The following WDR26 variants were observed in gnomAD, a reference collection of about 807,000 sequenced individuals.
WDR26 encodes the protein WD repeat domain 26, also known as WD repeat-containing protein 26.
Under a neutral mutation model 84.1 loss-of-function variants are expected in WDR26, and 5 were observed. That is an observed-to-expected ratio of 0.06 (90% CI 0.03 to 0.13). The LOEUF is 0.13. Ranked by LOEUF, WDR26 falls within the 10% of genes least tolerant of loss-of-function variation. The probability of loss-of-function intolerance (pLI) is 1.00; values close to 1 mark genes in which losing one functional copy is unlikely to be tolerated. For synonymous variants in WDR26, 415 were observed against 389.6 expected, an observed-to-expected ratio of 1.07 and a Z score of -0.77; for missense variants, 642 against 974.9, an observed-to-expected ratio of 0.66 and a Z score of 4.55.
chr1:224,434,154 A>AGCG lies in WDR26; in HGVS notation c.249_251dup (p.Ala85dup). 7.0e-7 allele frequency: 1 copy of AGCG among 1,418,914 alleles called. No homozygotes were observed. The highest frequency in any genetic ancestry group is 1.5e-5 in the African/African-American group (1 of 68,706). The allele number at this position is 1,418,914 out of a possible 1,614,324, so 87.9% of individuals were successfully genotyped here. The stretch of plus-strand genomic sequence containing the variant: ...GGCCGCTACTTCGGTGGGGGACAGC[A>AGCG]GCGGCGGCGGGAGGGGCAGCAGCCG... On this transcript the variant is annotated inframe_insertion, in exon 1 of 14. Transcript: ENST00000414423.
intron 1 of WDR26, 124 bp from the exon 2 acceptor site, chr1:224,431,905 T>A: frequency 2.9e-6 from 2 of 699,874 alleles, no homozygotes; most frequent in Non-Finnish European, 2.1e-6. Flanking sequence ...AAGAAAAAAA[T>A]AGCTTTCATG....
At chr1:224,416,830 A>G (rs1673918083) in intron 6 of WDR26, among the ~76,000 whole-genome samples, 1 of 152,246 alleles carries the variant, frequency 6.6e-6, no homozygotes, top group Non-Finnish European at 1.5e-5. Flanking sequence ...GAATGGAGCT[A>G]TGAACCATGA....
At chr1:224,405,316 T>C (rs1673522074) in intron 7 of WDR26, among the ~76,000 whole-genome samples, 1 of 152,262 alleles carries the variant, frequency 6.6e-6, no homozygotes, top group South Asian at 2.1e-4. Context: ...TGTTTATCCA[T>C]TCATGAGGTG....
At chr1:224,401,112 CT>C (rs781291672) in intron 8 of WDR26, 43 bp from the exon 9 acceptor site, 19 of 1,569,012 alleles carry the variant, frequency 1.2e-5, no homozygotes, top group Middle Eastern at 1.7e-4. Flanking sequence ...CAAGATACCC[CT>C]CTAAAGGAAT....
Position 224,434,577 on chromosome 1 carries a change from C to A in WDR26, c.-172G>T, listed in dbSNP as rs1490482782. ...AAGGAGGATCCGGGCCCTTTCCCCC[C>A]CCCCTCCCGGAGGCAGCTCGGGGTG... On this transcript the variant is annotated 5_prime_UTR_variant, in exon 1 of 14. Transcript: ENST00000414423. 4.4e-5 allele frequency: 21 copies of A among 474,312 alleles called. 1 individual carries two copies. Among genetic ancestry groups the A allele is most frequent in the Non-Finnish European group, 5.5e-5 (20 of 366,320 alleles). The allele number at this position is 474,312 out of a possible 1,614,324, so 29.4% of individuals were successfully genotyped here.
Position 224,394,444 on chromosome 1 carries a change from G to A in WDR26, c.2075-431C>T, listed in dbSNP as rs117617443. On this transcript the variant is annotated intron_variant, in intron 12 of 13. Transcript: ENST00000414423. The stretch of plus-strand genomic sequence containing the variant: ...GTGCTTACAAAGTACTAGGTATCAA[G>A]TACTTAATGCATATTATTTAATCTT... 9.2e-5 allele frequency among the ~76,000 whole-genome samples: 14 copies of A among 151,864 alleles called. No homozygotes were observed. In the East Asian group the frequency reaches 2.7e-3, roughly 29 times the overall value.
intron 3 of WDR26, among the ~76,000 whole-genome samples, chr1:224,428,968 G>A (rs780975939): frequency 6.6e-6 from 1 of 150,926 alleles, no homozygotes; most frequent in African/African-American, 2.4e-5. Context: ...CCATTTAATC[G>A]GAAACCATTT....
chr1:224,434,053 C>A lies in WDR26; in HGVS notation c.353G>T (p.Gly118Val). 1 of 1,451,778 alleles carries A rather than the reference C, an allele frequency of 6.9e-7. No homozygotes were observed. 89.9% of individuals were successfully genotyped at this position (1,451,778 alleles called of 1,614,324 possible). A position where few individuals can be genotyped will look rare whatever the true frequency, so the allele number is the denominator to read the frequency against. The change falls in exon 1 of 14, where the codon GGA becomes GTA. Residue 118 changes from glycine to valine, a missense_variant. Gly to Val is a moderately radical substitution (Grantham distance 109). Transcript: ENST00000414423. ...CTGGCCCCCGCCGCCCCCTCCTCCT[C>A]CACCGCCGCCGCCGCCACCTCCTCC...
At chr1:224,431,260 G>A in intron 3 of WDR26, 1 of 436,604 alleles carries the variant, frequency 2.3e-6, no homozygotes, top group Non-Finnish European at 4.1e-6. Context: ...ATTTTTTGTA[G>A]AGCTTAATTT....
At chr1:224,405,143 T>C (rs1673517943) in intron 7 of WDR26, among the ~76,000 whole-genome samples, 1 of 152,210 alleles carries the variant, frequency 6.6e-6, no homozygotes, top group South Asian at 2.1e-4. Flanking sequence ...CTCTATAGAT[T>C]TGCCTATTCT....
chr1:224,425,292 C>T (rs1441111917), intron 3 of WDR26, among the ~76,000 whole-genome samples: 1 of 152,198 alleles, frequency 6.6e-6, no homozygotes, highest in African/African-American at 2.4e-5. Flanking sequence ...TTGATGCACT[C>T]ACTCTCTTCT....
intron 7 of WDR26, among the ~76,000 whole-genome samples, chr1:224,405,240 G>A (rs986456582): frequency 1.3e-5 from 2 of 152,116 alleles, no homozygotes; most frequent in African/African-American, 2.4e-5. Context: ...GTTCATCCGT[G>A]TTATAGAATG....
At chr1:224,428,560 A>T (rs942518652) in intron 3 of WDR26, among the ~76,000 whole-genome samples, 1 of 152,164 alleles carries the variant, frequency 6.6e-6, no homozygotes, top group Non-Finnish European at 1.5e-5. Flanking sequence ...ATACCCATCC[A>T]AATTGCCCAG....
At chr1:224,403,018 A>G (rs1673457912) in intron 8 of WDR26, among the ~76,000 whole-genome samples, 1 of 152,052 alleles carries the variant, frequency 6.6e-6, no homozygotes, top group Non-Finnish European at 1.5e-5. Context: ...ACTTTCAAAT[A>G]TTTTAGATAT....
Position 224,388,036 on chromosome 1 carries a change from G to A in WDR26, c.*1799C>T, listed in dbSNP as rs896785270. The A allele has an allele frequency of 6.6e-6, 1 of 152,596 alleles. No homozygotes were observed. Among genetic ancestry groups the A allele is most frequent in the Non-Finnish European group, 1.5e-5 (1 of 68,024 alleles). 9.5% of individuals were successfully genotyped at this position (152,596 alleles called of 1,614,324 possible). A position where few individuals can be genotyped will look rare whatever the true frequency, so the allele number is the denominator to read the frequency against. ...TCTTTTACATACCAATTTGATAAGA[G>A]TCTGCTGACCACGATCTGTCATTTT... On this transcript the variant is annotated 3_prime_UTR_variant, in exon 14 of 14. Coordinates refer to ENST00000414423, the MANE Select transcript of WDR26 (RefSeq NM_001379403.1).
intron 7 of WDR26, among the ~76,000 whole-genome samples, chr1:224,407,137 A>C (rs1417718221): frequency 5.2e-5 from 2 of 38,478 alleles, no homozygotes; most frequent in African/African-American, 2.2e-4. Context: ...AAAAAAAAAA[A>C]AAAAAAAAAA....
At chr1:224,413,960 C>T (rs989111552) in intron 6 of WDR26, among the ~76,000 whole-genome samples, 2 of 151,866 alleles carry the variant, frequency 1.3e-5, no homozygotes, top group East Asian at 3.9e-4. Context: ...CAGGTGCGCA[C>T]CACTACACCT....
chr1:224,405,237 C>T (rs1244707421), intron 7 of WDR26, among the ~76,000 whole-genome samples: 3 of 152,036 alleles, frequency 2.0e-5, no homozygotes, highest in Admixed American at 6.6e-5. Flanking sequence ...AGGGTTCATC[C>T]GTGTTATAGA....
At chr1:224,406,247 CAA>C (rs1673545971) in intron 7 of WDR26, among the ~76,000 whole-genome samples, 1 of 152,138 alleles carries the variant, frequency 6.6e-6, no homozygotes, top group South Asian at 2.1e-4. Flanking sequence ...AAAAAATCTT[CAA>C]AGACAACCTC....
Sources: gnomAD v4.1 joint callset for allele counts (sites outside exome capture counted in the v4.1 genomes callset) on GRCh38, gnomAD v4.1.1 for gene constraint, MANE v1.5 for transcripts, NCBI Gene and HGNC (gene_info 2026-07-23, HGNC 2026-07-21) for gene names.